Variants in MFSD12 observed in about 807,000 individuals in gnomAD.
MFSD12 encodes major facilitator superfamily domain-containing protein 12.
A neutral mutation model predicts 51.2 loss-of-function variants in MFSD12; 67 were observed. The observed-to-expected ratio is 1.31, with a 90% confidence interval of 1.08 to 1.60. The LOEUF (loss-of-function observed/expected upper bound fraction) is 1.60. MFSD12 is among the 40% of genes most tolerant of loss of function. MFSD12 has a pLI of 0.00. For missense variants in MFSD12, 921 were observed against 673.0 expected, an observed-to-expected ratio of 1.37 and a Z score of -4.08; for synonymous variants, 441 against 316.7, an observed-to-expected ratio of 1.39 and a Z score of -4.17.
At chr19:3,554,205 G>T (rs1013416194) in intron 1 of MFSD12, among the ~76,000 whole-genome samples, 1 of 152,060 alleles carries the variant, frequency 6.6e-6, no homozygotes, top group African/African-American at 2.4e-5. Context: ...GGGGGGCTGA[G>T]ACAGGCAGAT....
chr19:3,556,739 A>G (rs1375136385), intron 1 of MFSD12, among the ~76,000 whole-genome samples: 1 of 152,060 alleles, frequency 6.6e-6, no homozygotes. Flanking sequence ...CAGAGGGGTG[A>G]AAACTCAGCT....
Position 3,551,115 on chromosome 19 carries a change from AGCCCACTCGGGCGTGGCC to A in MFSD12, c.360_377del (p.Thr122_Ala127del). On this transcript the variant is annotated inframe_deletion, in exon 2 of 10. Coordinates refer to ENST00000355415, the MANE Select transcript of MFSD12 (RefSeq NM_174983.5). The surrounding 1 kb of genome is among the most constrained non-coding windows in gnomAD (Gnocchi z 4.6). ...TGAACGGGCCGTAGTAGAGGAGGGC[AGCCCACTCGGGCGTGGCC>A]GCCCCACAGCCCAGGCAGGGGCTGA... 1.2e-6 allele frequency: 2 copies of A among 1,613,132 alleles called. No homozygotes were observed. The highest frequency in any genetic ancestry group is 1.7e-6 in the Non-Finnish European group (2 of 1,179,978).
intron 1 of MFSD12, among the ~76,000 whole-genome samples, chr19:3,555,296 C>T (rs1023417650): frequency 2.0e-5 from 3 of 152,130 alleles, no homozygotes; most frequent in African/African-American, 4.8e-5. Context: ...TTAGTAGAGA[C>T]GGGGTTTTGC....
At chr19:3,541,015 A>G (rs1186558481), downstream of MFSD12, among the ~76,000 whole-genome samples, 1 of 148,660 alleles carries the variant, frequency 6.7e-6, no homozygotes, top group Non-Finnish European at 1.5e-5. Flanking sequence ...CTAAAAGTAC[A>G]AAAATTAGCT....
intron 2 of MFSD12, among the ~76,000 whole-genome samples, chr19:3,550,378 G>A (rs568470704): frequency 5.9e-5 from 9 of 151,698 alleles, no homozygotes; most frequent in African/African-American, 1.2e-4. Flanking sequence ...GTGAGACCCT[G>A]TCTCTACAAA....
At chr19:3,538,297 T>C in exon 5 of MFSD12, 1 of 169,480 alleles carries the variant, frequency 5.9e-6, no homozygotes, top group South Asian at 1.2e-4. Context: ...TTGTTTTGTT[T>C]ATTGTGGTAA....
chr19:3,549,669 G>A (rs1405131278), intron 2 of MFSD12, among the ~76,000 whole-genome samples: 1 of 146,444 alleles, frequency 6.8e-6, no homozygotes, highest in African/African-American at 2.5e-5. Context: ...GTTGCAGTGA[G>A]CCGAGATGGC....
chr19:3,555,546 G>A (rs1421344188), intron 1 of MFSD12, among the ~76,000 whole-genome samples: 2 of 152,150 alleles, frequency 1.3e-5, no homozygotes, highest in African/African-American at 2.4e-5. Flanking sequence ...GTCTGCCGCC[G>A]CCTCAGGTAC....
chr19:3,556,431 G>A (rs549902135), intron 1 of MFSD12, among the ~76,000 whole-genome samples: 2 of 152,336 alleles, frequency 1.3e-5, no homozygotes, highest in East Asian at 3.9e-4. Context: ...GAGGCAGACA[G>A]GGGAGGCTGG....
At chr19:3,542,699 T>C (rs2030515281), downstream of MFSD12, 2 of 1,260,110 alleles carry the variant, frequency 1.6e-6, no homozygotes, top group Non-Finnish European at 2.1e-6. Context: ...GCCAGGCTGG[T>C]CTCGAACTCC....
chr19:3,556,986 C>T, intron 1 of MFSD12, 120 bp downstream of exon 1: 1 of 998,660 alleles, frequency 1.0e-6, no homozygotes. Context: ...ACAGACAGAC[C>T]GAGGGGAGAC....
rs1234672510 is a variant in MFSD12 at position 3,547,130 on chromosome 19, G to A, written c.1023+142C>T. 5.4e-6 allele frequency: 4 copies of A among 735,738 alleles called. No homozygotes were observed. The Admixed American group carries it at 8.5e-5, about 16-fold the overall frequency. The allele number at this position is 735,738 out of a possible 1,614,324, so 45.6% of individuals were successfully genotyped here. On this transcript the variant is annotated intron_variant, in intron 6 of 9. Coordinates refer to ENST00000355415, the MANE Select transcript of MFSD12 (RefSeq NM_174983.5). ...TGGGATTACAGGCGTGAGCCACCGTGCCCGGCCTAGATCTGGGGCTTCTAC... is the reference window on the plus strand; with the variant it reads ...TGGGATTACAGGCGTGAGCCACCGTACCCGGCCTAGATCTGGGGCTTCTAC...
chr19:3,542,785 T>A (rs753900046), downstream of MFSD12: 1 of 1,368,196 alleles, frequency 7.3e-7, no homozygotes, highest in Non-Finnish European at 9.8e-7. Flanking sequence ...CCTGGCCTAG[T>A]GGGTCCCCCA....
In MFSD12 at chr19:3,547,286, A is replaced by G; in HGVS notation, c.1009T>C (p.Cys337Arg). The part of the protein sequence containing the change: ...SSFLMKPINK[C>R]IGRNMTYFSG... ...CGCCCACTCACGTTCCTCCCAATGC[A>G]CTTGTTGATGGGCTTCATGAGGAAG... is the stretch of plus-strand genomic sequence containing the variant. The change falls in exon 6 of 10, where the codon TGC (cysteine) becomes CGC (arginine). Residue 337 changes from cysteine (C) to arginine (R), a missense_variant. Physicochemically the swap from Cys to Arg is radical, Grantham distance 180. Transcript: ENST00000355415. 6.2e-7 allele frequency: 1 copy of G among 1,612,922 alleles called. No homozygotes were observed. The highest frequency in any genetic ancestry group is 8.5e-7 in the Non-Finnish European group (1 of 1,179,740).
intron 8 of MFSD12, among the ~76,000 whole-genome samples, chr19:3,545,823 C>G (rs1599823788): frequency 1.3e-5 from 2 of 152,350 alleles, no homozygotes; most frequent in South Asian, 4.1e-4. Flanking sequence ...TCCCTTCCAG[C>G]TGGGCCCACC....
downstream of MFSD12, chr19:3,542,084 A>G (rs957280444): frequency 1.7e-5 from 17 of 979,670 alleles, no homozygotes; most frequent in Non-Finnish European, 1.9e-5. Context: ...TGCTGGGATT[A>G]CAGGCATGAG....
downstream of MFSD12, chr19:3,543,732 C>A: frequency 6.7e-7 from 1 of 1,496,228 alleles, no homozygotes; most frequent in Non-Finnish European, 9.0e-7. Context: ...ACAAGGCCAC[C>A]TAGGCCAGGG....
Position 3,544,893 on chromosome 19 carries a change from T to G in MFSD12, c.1336A>C (p.Met446Leu), listed in dbSNP as rs370697243. 24 of 1,611,786 alleles carry G rather than the reference T, an allele frequency of 1.5e-5. No homozygotes were observed. In the African/African-American group the frequency reaches 3.1e-4, roughly 21 times the overall value. The stretch of plus-strand genomic sequence containing the variant: ...CCCACGCCGCCCGTCACAGCCACCA[T>G]CGCCCAGTGGTAAAAGCTCACGCAG... ...RACVSFYHWAMVAVTGGVGVA... is the reference protein window; with the variant it reads ...RACVSFYHWALVAVTGGVGVA... Residue 446 changes from methionine to leucine, a missense_variant, in exon 9 of 10, where the codon ATG becomes CTG. Met to Leu is a conservative substitution (Grantham distance 15, BLOSUM62 2). Coordinates refer to ENST00000355415, the MANE Select transcript of MFSD12 (RefSeq NM_174983.5).
At position 3,557,226 on chromosome 19, in the gene MFSD12, GC is replaced by G; in HGVS notation, c.177del (p.Leu60CysfsTer77). 1 of 1,588,578 alleles carries G rather than the reference GC, an allele frequency of 6.3e-7. No individual in the cohort carries two copies. Among genetic ancestry groups the G allele is most frequent in the Non-Finnish European group, 8.5e-7 (1 of 1,169,662 alleles). On this transcript the variant is annotated frameshift_variant, in exon 1 of 10. Transcript: ENST00000355415. LOFTEE classifies it high-confidence loss of function. ...SVRAYSSRGA[G>X]LLLLLGQVAD... Reference sequence around the variant, plus strand: ...GCCACCTGGCCCAGCAGCAGCAGCAGCCCCGCGCCGCGGGAGCTGTAGGCGC... The same window carrying G: ...GCCACCTGGCCCAGCAGCAGCAGCAGCCCGCGCCGCGGGAGCTGTAGGCGC...
Sources: gnomAD v4.1 joint callset for allele counts (sites outside exome capture counted in the v4.1 genomes callset) on GRCh38, gnomAD v4.1.1 for gene constraint, Gnocchi (gnomAD v3.1) non-coding constraint, MANE v1.5 for transcripts, NCBI Gene and HGNC (gene_info 2026-07-23, HGNC 2026-07-21) for gene names.